Variants in ABLIM1 observed in about 807,000 individuals in gnomAD.
The protein encoded by ABLIM1 is actin-binding LIM protein 1.
In ABLIM1, 40 loss-of-function variants were observed where a neutral mutation model predicts 107.0. That is an observed-to-expected ratio of 0.37 (90% CI 0.29 to 0.49). The LOEUF (loss-of-function observed/expected upper bound fraction) is 0.49, where lower values mean the gene tolerates loss of function less well. ABLIM1 is among the 20% of genes least tolerant of loss of function. The pLI is 0.97. For synonymous variants in ABLIM1, 357 were observed against 357.3 expected, an observed-to-expected ratio of 1.00 and a Z score of 0.01; for missense variants, 857 against 1,008.5, an observed-to-expected ratio of 0.85 and a Z score of 2.04.
chr10:114,765,187 C>T (rs1591964398), intron 1 of ABLIM1, among the ~76,000 whole-genome samples: 2 of 152,146 alleles, frequency 1.3e-5, no homozygotes, highest in East Asian at 3.9e-4. Flanking sequence ...GCTGGGACTA[C>T]AGGCATGCGC....
At chr10:114,538,040 C>T (rs546610588) in intron 6 of ABLIM1, among the ~76,000 whole-genome samples, 1 of 152,270 alleles carries the variant, frequency 6.6e-6, no homozygotes, top group South Asian at 2.1e-4. Flanking sequence ...AATAGCTTAG[C>T]CCAGAACAAG....
chr10:114,712,444 G>A (rs971807023), intron 1 of ABLIM1, among the ~76,000 whole-genome samples: 74 of 149,564 alleles, frequency 4.9e-4, no homozygotes, highest in African/African-American at 1.8e-3. Flanking sequence ...ACAATATAGA[G>A]ATAAAAGATG....
the ABLIM1 span, among the ~76,000 whole-genome samples, chr10:114,790,315 GATTA>G: frequency 1.3e-5 from 2 of 150,910 alleles, no homozygotes; most frequent in Middle Eastern, 3.4e-3. Flanking sequence ...AGCAGATTGT[GATTA>G]ATTAATACAT....
At chr10:114,632,286 G>C (rs1158909739) in intron 1 of ABLIM1, 12 of 985,298 alleles carry the variant, frequency 1.2e-5, no homozygotes, top group African/African-American at 1.0e-4. Context: ...CACCGAGGAC[G>C]GGCTATGAAA....
the ABLIM1 span, among the ~76,000 whole-genome samples, chr10:114,789,842 T>C: frequency 6.6e-6 from 1 of 151,920 alleles, no homozygotes; most frequent in African/African-American, 2.4e-5. Flanking sequence ...CAGGCTGAAG[T>C]GCAGTGGCAT....
intron 1 of ABLIM1, among the ~76,000 whole-genome samples, chr10:114,717,828 G>A (rs530509704): frequency 2.3e-4 from 34 of 150,492 alleles, no homozygotes; most frequent in Non-Finnish European, 4.6e-4. Flanking sequence ...CAGGAGGATC[G>A]CTTAAGCCTG....
intron 15 of ABLIM1, among the ~76,000 whole-genome samples, 163 bp downstream of exon 15, chr10:114,447,714 TACA>T (rs1047466879): frequency 2.0e-5 from 3 of 152,230 alleles, no homozygotes; most frequent in African/African-American, 4.8e-5. Context: ...AAGCGTTTTG[TACA>T]ACAAGTTAAT....
chr10:114,597,417 C>G (rs1326651918), intron 2 of ABLIM1, among the ~76,000 whole-genome samples: 2 of 150,652 alleles, frequency 1.3e-5, no homozygotes, highest in Non-Finnish European at 2.9e-5. Flanking sequence ...ACTTTCTGAT[C>G]AATTTTCCCA....
Position 114,746,615 on chromosome 10 carries a change from A to G in ABLIM1, c.-213+21446T>C, listed in dbSNP as rs1016520026. On this transcript the variant is annotated intron_variant, in intron 1 of 15. Coordinates refer to the ABLIM1 transcript ENST00000651092. Reference sequence around the variant, plus strand: ...TGGTTCATATGGTAATTTTATTTTTAGTTTCTGGAGGAACCTCCATACTGT... The same window carrying G: ...TGGTTCATATGGTAATTTTATTTTTGGTTTCTGGAGGAACCTCCATACTGT... 8.8e-4 allele frequency among the ~76,000 whole-genome samples: 134 copies of G among 152,272 alleles called. 1 individual carries two copies. The highest frequency in any genetic ancestry group is 3.2e-3 in the African/African-American group (133 of 41,562).
Position 114,648,679 on chromosome 10 carries a change from G to T in ABLIM1, c.244+9278C>A, listed in dbSNP as rs117171298. Among the ~76,000 whole-genome samples the T allele has an allele frequency of 4.2e-3, 639 of 152,324 alleles. 3 individuals are homozygous for T. The highest frequency in any genetic ancestry group is 7.1e-3 in the Non-Finnish European group (484 of 68,030). On this transcript the variant is annotated intron_variant, in intron 1 of 22. Transcript: ENST00000533213. ...ATGTTAAAGTGGTGAATGTTATGGTGTACTACATTACATCTCCATTTTAAA... is the reference window on the plus strand; with the variant it reads ...ATGTTAAAGTGGTGAATGTTATGGTTTACTACATTACATCTCCATTTTAAA...
At chr10:114,758,638 CT>C (rs907246582) in intron 1 of ABLIM1, among the ~76,000 whole-genome samples, 2 of 152,198 alleles carry the variant, frequency 1.3e-5, no homozygotes, top group African/African-American at 4.8e-5. Flanking sequence ...CCAGAAATAG[CT>C]GTTTACCTCA....
chr10:114,722,221 G>A (rs2081863278), intron 1 of ABLIM1, among the ~76,000 whole-genome samples: 1 of 152,166 alleles, frequency 6.6e-6, no homozygotes, highest in Non-Finnish European at 1.5e-5. Flanking sequence ...AGGAAGCATG[G>A]CTGGGGAGGC....
intron 10 of ABLIM1, among the ~76,000 whole-genome samples, chr10:114,469,195 A>C (rs1466345232): frequency 6.6e-6 from 1 of 152,214 alleles, no homozygotes; most frequent in Non-Finnish European, 1.5e-5. Flanking sequence ...GCATCTACTG[A>C]AACATAGGAT....
chr10:114,696,537 A>AG (rs34706096), intron 1 of ABLIM1, among the ~76,000 whole-genome samples: 1,580 of 151,902 alleles, frequency 0.01, 27 homozygotes, highest in African/African-American at 0.035. Flanking sequence ...GTGTTGTGGG[A>AG]GGGACACAGT....
At chr10:114,560,199 G>A (rs932169756) in intron 4 of ABLIM1, among the ~76,000 whole-genome samples, 3 of 152,210 alleles carry the variant, frequency 2.0e-5, no homozygotes, top group Admixed American at 6.5e-5. Context: ...ATATGTGAAT[G>A]TTCATTGCAG....
At chr10:114,703,623 C>A (rs1043949699) in intron 1 of ABLIM1, among the ~76,000 whole-genome samples, 8 of 152,238 alleles carry the variant, frequency 5.3e-5, no homozygotes, top group African/African-American at 1.9e-4. Flanking sequence ...GCACTGCCTT[C>A]AGGAACACCT....
intron 6 of ABLIM1, among the ~76,000 whole-genome samples, chr10:114,540,807 C>T (rs185546935): frequency 6.2e-4 from 94 of 152,250 alleles, no homozygotes; most frequent in African/African-American, 2.2e-3. Flanking sequence ...CTGCAGGCCT[C>T]GCTGGGATGA....
At chr10:114,767,435 G>A (rs1027867150) in intron 1 of ABLIM1, among the ~76,000 whole-genome samples, 1 of 152,066 alleles carries the variant, frequency 6.6e-6, no homozygotes, top group African/African-American at 2.4e-5. Flanking sequence ...ACTCTCCCCA[G>A]CATCGTCGCT....
intron 1 of ABLIM1, among the ~76,000 whole-genome samples, chr10:114,706,479 C>A (rs2081423665): frequency 6.6e-6 from 1 of 152,168 alleles, no homozygotes; most frequent in Non-Finnish European, 1.5e-5. Flanking sequence ...CCCTGAGAAA[C>A]AAATTAATGC....
Sources: gnomAD v4.1 joint callset for allele counts (sites outside exome capture counted in the v4.1 genomes callset) on GRCh38, gnomAD v4.1.1 for gene constraint, MANE v1.5 for transcripts, NCBI Gene and HGNC (gene_info 2026-07-23, HGNC 2026-07-21) for gene names.